The following CDH26 variants were observed in gnomAD, a reference collection of about 807,000 sequenced individuals.
The protein encoded by CDH26 is cadherin 26.
Under a neutral mutation model 90.3 loss-of-function variants are expected in CDH26, and 83 were observed. The ratio of observed to expected loss-of-function variants is 0.92; its 90% confidence interval spans 0.77 to 1.10. CDH26 has a LOEUF of 1.10. CDH26 is among the 50% of genes least tolerant of loss of function. The pLI is 0.00. For missense variants in CDH26, 1,013 were observed against 1,037.6 expected (o/e 0.98, Z 0.33); for synonymous variants, 397 against 396.3 (o/e 1.00, Z -0.02).
intron 8 of CDH26, chr20:60,033,447 T>C: frequency 7.7e-7 from 1 of 1,294,004 alleles, no homozygotes; most frequent in Non-Finnish European, 1.0e-6. Flanking sequence ...TTGCCTACGT[T>C]ATTTAATTCT....
At chr20:59,984,915 T>C (rs2061434591) in intron 6 of CDH26, 86 bp from the exon 7 acceptor site, 5 of 1,567,264 alleles carry the variant, frequency 3.2e-6, no homozygotes, top group Middle Eastern at 1.7e-4. Context: ...AGATTTGCTA[T>C]TGAAATTCCT....
At position 59,992,618 on chromosome 20, in the gene CDH26, G is replaced by T; in HGVS notation, c.1426+98G>T. 1 of 1,238,904 alleles carries T rather than the reference G, an allele frequency of 8.1e-7. No individual in the cohort carries two copies. The highest frequency in any genetic ancestry group is 1.2e-6 in the Non-Finnish European group (1 of 865,216). The allele number at this position is 1,238,904 out of a possible 1,614,324, so 76.7% of individuals were successfully genotyped here. On this transcript the variant is annotated intron_variant, in intron 10 of 17. Coordinates refer to ENST00000348616, the MANE Select transcript of CDH26 (RefSeq NM_177980.4). This position sits in a 1 kb window ranked among gnomAD's most constrained non-coding sequence, Gnocchi z 5.0. Reference sequence around the variant, plus strand: ...CGTCTTTCAGCACAGCAGAGAAAAGGATAAAATAAACCTTGTTATCACTCT... The same window carrying T: ...CGTCTTTCAGCACAGCAGAGAAAAGTATAAAATAAACCTTGTTATCACTCT...
chr20:60,035,591 G>T (rs572928443), downstream of CDH26, among the ~76,000 whole-genome samples: 4 of 151,958 alleles, frequency 2.6e-5, no homozygotes, highest in African/African-American at 7.2e-5. Flanking sequence ...TAGGTTGGTG[G>T]TCCTTTTTAT....
At position 59,996,765 on chromosome 20, in the gene CDH26, G is replaced by A. The variant is rs1235101421; in HGVS notation, c.2019+4G>A. On this transcript the variant is annotated splice_donor_region_variant and intron_variant, in intron 13 of 17. Coordinates refer to ENST00000348616, the MANE Select transcript of CDH26 (RefSeq NM_177980.4). ...GAGCAAAGGCACTTCAGCCCAGGTA[G>A]TGGAATGTCATGCTTTGTGTCTTAT... The A allele has an allele frequency of 6.2e-7, 1 of 1,614,126 alleles. No homozygotes were observed. Among genetic ancestry groups the A allele is most frequent in the African/African-American group, 1.3e-5 (1 of 74,942 alleles).
At chr20:60,002,903 A>G (rs974923263) in intron 16 of CDH26, 37 bp downstream of exon 16, 9 of 1,439,448 alleles carry the variant, frequency 6.3e-6, no homozygotes, top group Non-Finnish European at 8.5e-6. Flanking sequence ...GAACAAATTT[A>G]CCTTATTGTT....
rs868510420 is a variant in CDH26, at chr20:59,968,051, C to G, written c.70-916C>G. Among the ~76,000 whole-genome samples the G allele has an allele frequency of 8.4e-3, 1,123 of 134,040 alleles. 40 individuals carry two copies. The highest frequency in any genetic ancestry group is 0.034 in the African/African-American group (1,062 of 31,384). The allele number at this position is 134,040 out of a possible 152,430, so 87.9% of individuals were successfully genotyped here. A position where few individuals can be genotyped will look rare whatever the true frequency, so the allele number is the denominator to read the frequency against. On this transcript the variant is annotated intron_variant, in intron 1 of 17. Transcript: ENST00000348616. ...TCTCTCTCTCTCTCTCTCTCTCTCT[C>G]TGTCTCTCTCTCTCTCTCTCTCCCT...
rs367943276 is a variant in CDH26 at position 60,012,717 on chromosome 20, G to A, written c.2486G>A (p.Gly829Asp). The A allele has an allele frequency of 1.9e-6, 3 of 1,613,142 alleles. No individual in the cohort carries two copies. Among genetic ancestry groups the A allele is most frequent in the Non-Finnish European group, 2.5e-6 (3 of 1,179,822 alleles). ...TTTGAGGAAATATATTCAGAGTCAG[G>A]TGTTCCTTCCTAAAAAAAAAAGTCT... Reference protein sequence around the residue: ...TPFEEIYSESGVPS With the variant: ...TPFEEIYSESDVPS The change falls in exon 18 of 18, where the codon GGT becomes GAT. Residue 829 changes from glycine (G) to aspartate (D), a missense_variant. By Grantham distance (94) the Gly-to-Asp change is moderately conservative (BLOSUM62 -1). Transcript: ENST00000348616.
intron 16 of CDH26, among the ~76,000 whole-genome samples, chr20:60,005,781 A>C (rs151239427): frequency 0.011 from 1,735 of 152,260 alleles, 30 homozygotes; most frequent in African/African-American, 0.038. Context: ...TGCAGAACCC[A>C]GCCTAAGACA....
chr20:60,018,412 G>A (rs1240797706), downstream of CDH26, among the ~76,000 whole-genome samples: 7 of 151,934 alleles, frequency 4.6e-5, no homozygotes, highest in Admixed American at 2.0e-4. Flanking sequence ...TCTGATATAA[G>A]TATAGCTACT....
intron 1 of CDH26, among the ~76,000 whole-genome samples, chr20:59,964,608 C>T (rs1363830006): frequency 6.6e-6 from 1 of 152,136 alleles, no homozygotes; most frequent in Non-Finnish European, 1.5e-5. Flanking sequence ...CCTGCATCAC[C>T]CAGATGAGAG....
intron 16 of CDH26, among the ~76,000 whole-genome samples, chr20:60,006,462 G>T (rs2061752073): frequency 6.6e-6 from 1 of 152,324 alleles, no homozygotes; most frequent in South Asian, 2.1e-4. Context: ...GGCTCACTTG[G>T]GTTCCTTCCT....
chr20:59,961,791 G>A (rs1401039972), intron 1 of CDH26, among the ~76,000 whole-genome samples: 1 of 152,152 alleles, frequency 6.6e-6, no homozygotes, highest in Non-Finnish European at 1.5e-5. Flanking sequence ...CAAGGAAGAG[G>A]AGTTTTCTCC....
intron 1 of CDH26, among the ~76,000 whole-genome samples, chr20:59,965,796 T>C (rs2061141239): frequency 6.6e-6 from 1 of 152,206 alleles, no homozygotes; most frequent in Non-Finnish European, 1.5e-5. Context: ...TCTGAAACCA[T>C]ATCACTGAAT....
chr20:60,019,327 C>T (rs535517149), downstream of CDH26, among the ~76,000 whole-genome samples: 15 of 152,314 alleles, frequency 9.8e-5, no homozygotes, highest in African/African-American at 3.6e-4. Flanking sequence ...ATTCTCTTCT[C>T]CTTCTGGAAC....
intron 3 of CDH26, among the ~76,000 whole-genome samples, chr20:59,970,499 T>TA (rs553188318): frequency 1.4e-3 from 217 of 151,632 alleles, no homozygotes; most frequent in African/African-American, 4.8e-3. Context: ...TTTTTTTTTT[T>TA]AAATATTATT....
intron 7 of CDH26, among the ~76,000 whole-genome samples, chr20:60,024,006 G>A (rs2061978475): frequency 6.6e-6 from 1 of 151,908 alleles, no homozygotes; most frequent in Non-Finnish European, 1.5e-5. Context: ...GCAGAGCATG[G>A]AGGCCCATAA....
intron 13 of CDH26, 73 bp from the exon 14 acceptor site, chr20:59,999,513 C>A: frequency 1.5e-6 from 2 of 1,303,650 alleles, no homozygotes; most frequent in South Asian, 1.2e-5. Context: ...AAATGTCATT[C>A]CTTTCCTTCT....
chr20:59,970,794 C>T (rs933156964), intron 3 of CDH26, among the ~76,000 whole-genome samples: 1 of 149,456 alleles, frequency 6.7e-6, no homozygotes, highest in South Asian at 2.1e-4. Context: ...TGGGCGACAG[C>T]GAGACTCTGT....
chr20:59,979,706 A>G (rs1390497234), intron 4 of CDH26, among the ~76,000 whole-genome samples: 3 of 133,730 alleles, frequency 2.2e-5, no homozygotes, highest in African/African-American at 5.8e-5. Flanking sequence ...AGCTTATTGC[A>G]ATCTTGGCCT....
Sources: allele counts gnomAD v4.1 joint callset (sites outside exome capture counted in the v4.1 genomes callset), GRCh38; gene constraint gnomAD v4.1.1; non-coding constraint Gnocchi (gnomAD v3.1); transcripts MANE v1.5; gene names NCBI Gene and HGNC (gene_info 2026-07-23, HGNC 2026-07-21).